Variants in ATP6V0E1 observed in about 807,000 individuals in gnomAD.
ATP6V0E1 encodes ATPase H+ transporting V0 subunit e1, also known as V-type proton ATPase subunit e 1.
In ATP6V0E1, 4 loss-of-function variants were observed where a neutral mutation model predicts 11.6. The ratio of observed to expected loss-of-function variants is 0.35; its 90% CI spans 0.17 to 0.79. The LOEUF is 0.79. ATP6V0E1 is among the 30% of genes least tolerant of loss of function. The pLI is 0.54. For missense variants in ATP6V0E1, 105 were observed against 100.0 expected, an observed-to-expected ratio of 1.05 and a Z score of -0.21; for synonymous variants, 36 against 34.8, an observed-to-expected ratio of 1.04 and a Z score of -0.13.
At chr5:173,020,122 G>C (rs1756457099) in intron 2 of ATP6V0E1, 116 bp from the exon 3 acceptor site, 2 of 755,718 alleles carry the variant, frequency 2.6e-6, no homozygotes, top group Non-Finnish European at 4.5e-6. Flanking sequence ...TGGAAAGTTT[G>C]GTGTGAATGC....
chr5:172,992,175 C>T (rs1221001072), intron 1 of ATP6V0E1, among the ~76,000 whole-genome samples: 2 of 152,062 alleles, frequency 1.3e-5, no homozygotes, highest in Non-Finnish European at 2.9e-5. Flanking sequence ...CTCAGCCTCC[C>T]GAGTAGCTGG....
At chr5:173,014,530 A>G (rs763313753) in intron 2 of ATP6V0E1, among the ~76,000 whole-genome samples, 2 of 152,148 alleles carry the variant, frequency 1.3e-5, no homozygotes, top group African/African-American at 2.4e-5. Flanking sequence ...ACGGAATAGT[A>G]TTCAGCCATA....
chr5:172,984,017 C>T lies in ATP6V0E1; in HGVS notation c.104+53C>T, dbSNP rs141222064. On this transcript the variant is annotated intron_variant, in intron 1 of 3. Coordinates refer to ENST00000519374, the MANE Select transcript of ATP6V0E1 (RefSeq NM_003945.4). ...GAACGGGCGGTGAGGAGCTAGCAGG[C>T]CGGGGCGGGGAAAGGCACGACCCCC... 241 of 1,562,630 alleles carry T rather than the reference C, an allele frequency of 1.5e-4. 2 individuals carry two copies. In the African/African-American group the frequency reaches 2.6e-3, roughly 17 times the overall value.
chr5:173,016,359 C>T (rs769186009), intron 2 of ATP6V0E1, among the ~76,000 whole-genome samples: 3 of 152,216 alleles, frequency 2.0e-5, no homozygotes, highest in Non-Finnish European at 4.4e-5. Context: ...CTGTAGAAGT[C>T]TCTTCTGTGT....
chr5:173,028,957 G>T (rs1423781636), intron 3 of ATP6V0E1, among the ~76,000 whole-genome samples: 6 of 152,224 alleles, frequency 3.9e-5, no homozygotes, highest in Admixed American at 3.9e-4. Flanking sequence ...CATCCTGGAA[G>T]TTACTTGGTT....
rs993532727 is a variant in ATP6V0E1 at position 173,023,195 on chromosome 5, A to G, written c.*36+2828A>G. Among the ~76,000 whole-genome samples, 4 of 57,406 alleles carry G rather than the reference A, an allele frequency of 7.0e-5. No homozygotes were observed. The African/African-American group carries it at 7.9e-4, about 11-fold the overall frequency. 37.7% of individuals were successfully genotyped at this position (57,406 alleles called of 152,430 possible). On this transcript the variant is annotated intron_variant, in intron 3 of 3. Transcript: ENST00000519374. ...TTTCCAGTTCTATTTTTATTTATTTATTTATTTATTCATTTTGAGACAGAG... is the reference window on the plus strand; with the variant it reads ...TTTCCAGTTCTATTTTTATTTATTTGTTTATTTATTCATTTTGAGACAGAG...
At chr5:172,986,695 G>GA (rs2113575546) in intron 1 of ATP6V0E1, 1 of 452,456 alleles carries the variant, frequency 2.2e-6, no homozygotes, top group East Asian at 7.1e-5. Context: ...CATTTTCACA[G>GA]ATGGCAGGAA....
intron 2 of ATP6V0E1, among the ~76,000 whole-genome samples, chr5:173,008,302 C>CTTTTTTTTTT (rs1219833765): frequency 7.5e-6 from 1 of 132,518 alleles, no homozygotes; most frequent in Non-Finnish European, 1.6e-5. Context: ...CTTTTCTTTT[C>CTTTTTTTTTT]TTTTTTTTTT....
intron 2 of ATP6V0E1, among the ~76,000 whole-genome samples, chr5:173,002,574 A>C (rs1756175591): frequency 6.6e-6 from 1 of 152,224 alleles, no homozygotes. Flanking sequence ...AGTCTCCTTC[A>C]TAAGTGGTGT....
At chr5:172,988,005 G>A (rs947661844) in intron 1 of ATP6V0E1, among the ~76,000 whole-genome samples, 3 of 151,988 alleles carry the variant, frequency 2.0e-5, no homozygotes, top group African/African-American at 7.2e-5. Flanking sequence ...AAGCCACCTC[G>A]GACCTAATCT....
At position 173,020,269 on chromosome 5, in the gene ATP6V0E1, C is replaced by T. The variant is rs1756458857; in HGVS notation, c.184C>T (p.Pro62Ser). The T allele has an allele frequency of 6.2e-7, 1 of 1,613,908 alleles. No homozygotes were observed. Among genetic ancestry groups the T allele is most frequent in the Middle Eastern group, 1.7e-4 (1 of 6,058 alleles). The change falls in exon 3 of 4, where the codon CCT (proline) becomes TCT (serine). Residue 62 changes from proline to serine, a missense_variant. By Grantham distance (74) the Pro-to-Ser change is moderately conservative. Coordinates refer to ENST00000519374, the MANE Select transcript of ATP6V0E1 (RefSeq NM_003945.4). ...GATTGCAATTCTGGCCCAACTCAAC[C>T]CTCTCTTTGGACCGCAATTGAAAAA... ...WLIAILAQLN[P>S]LFGPQLKNET...
chr5:173,023,140 A>G (rs542710396), intron 3 of ATP6V0E1, among the ~76,000 whole-genome samples: 1 of 151,318 alleles, frequency 6.6e-6, no homozygotes, highest in African/African-American at 2.4e-5. Context: ...TATGGCCATC[A>G]GCCACCGTGC....
intron 1 of ATP6V0E1, among the ~76,000 whole-genome samples, chr5:172,993,228 T>TAC (rs367821608): frequency 5.4e-4 from 82 of 152,074 alleles, no homozygotes; most frequent in Middle Eastern, 6.8e-3. Flanking sequence ...CCAAAGAAAA[T>TAC]ACACACACAG....
At chr5:172,990,839 A>G (rs943707887) in intron 1 of ATP6V0E1, among the ~76,000 whole-genome samples, 6 of 152,028 alleles carry the variant, frequency 3.9e-5, no homozygotes, top group Admixed American at 3.9e-4. Flanking sequence ...AAATTAAAAA[A>G]AAAAAAAAAA....
chr5:173,032,254 TTTATTTATTTATTTATTTATTTA>T (rs1295924370), intron 3 of ATP6V0E1, among the ~76,000 whole-genome samples: 2 of 89,336 alleles, frequency 2.2e-5, no homozygotes, highest in Admixed American at 1.4e-4. Context: ...TTTTATTTTA[TTTATTTATTTATTTATTTATTTA>T]TTTATTTATT....
At chr5:173,029,969 AC>A (rs1296540229) in intron 3 of ATP6V0E1, among the ~76,000 whole-genome samples, 1 of 152,040 alleles carries the variant, frequency 6.6e-6, no homozygotes, top group Non-Finnish European at 1.5e-5. Flanking sequence ...CCTGACTCTC[AC>A]TACCCTATTA....
chr5:172,992,380 C>A (rs1277718992), intron 1 of ATP6V0E1, among the ~76,000 whole-genome samples: 1 of 152,072 alleles, frequency 6.6e-6, no homozygotes, highest in Non-Finnish European at 1.5e-5. Context: ...AGAGTCAAAG[C>A]CTTTTAAGAG....
intron 2 of ATP6V0E1, among the ~76,000 whole-genome samples, chr5:173,016,157 C>T (rs1277561481): frequency 1.3e-5 from 2 of 152,218 alleles, no homozygotes; most frequent in African/African-American, 4.8e-5. Flanking sequence ...ACAGGTAGAA[C>T]AACCTGGGGC....
Position 172,994,772 on chromosome 5 carries a change from T to TA in ATP6V0E1, c.105-2dup. On this transcript the variant is annotated splice_polypyrimidine_tract_variant and splice_region_variant and intron_variant, in intron 1 of 3. Coordinates refer to ENST00000519374, the MANE Select transcript of ATP6V0E1 (RefSeq NM_003945.4). ...TGACATTTGCATTTTTTTTTTTTTTTAGAGTTATCATTACCATGTTGGTGA... is the reference window on the plus strand; with the variant it reads ...TGACATTTGCATTTTTTTTTTTTTTTAAGAGTTATCATTACCATGTTGGTGA... The TA allele has an allele frequency of 2.5e-6, 4 of 1,573,656 alleles. No homozygotes were observed. Among genetic ancestry groups the TA allele is most frequent in the Non-Finnish European group, 3.4e-6 (4 of 1,163,824 alleles).
Sources: allele counts gnomAD v4.1 joint callset (sites outside exome capture counted in the v4.1 genomes callset), GRCh38; gene constraint gnomAD v4.1.1; transcripts MANE v1.5; gene names NCBI Gene and HGNC (gene_info 2026-07-23, HGNC 2026-07-21).